The following PLEKHA2 variants were observed in gnomAD, a reference collection of about 807,000 sequenced individuals.
PLEKHA2 encodes pleckstrin homology domain containing A2, also known as pleckstrin homology domain-containing family A member 2.
PLEKHA2 carries 28 observed loss-of-function variants against 53.2 expected under a neutral mutation model. That is an observed-to-expected ratio of 0.53 (90% CI 0.39 to 0.72). The LOEUF (loss-of-function observed/expected upper bound fraction) is 0.72. PLEKHA2 is among the 30% of genes least tolerant of loss of function. PLEKHA2 has a pLI of 0.00. For missense variants in PLEKHA2, 426 were observed against 537.9 expected (o/e 0.79, Z 2.06); for synonymous variants, 193 against 196.4 (o/e 0.98, Z 0.14).
intron 10 of PLEKHA2, among the ~76,000 whole-genome samples, chr8:38,965,083 T>C (rs542516821): frequency 1.2e-3 from 176 of 152,246 alleles, no homozygotes; most frequent in African/African-American, 4.0e-3. Flanking sequence ...CCTTATTACT[T>C]GCAAAAAGGA....
chr8:38,952,580 C>G, intron 7 of PLEKHA2, 56 bp from the exon 8 acceptor site: 1 of 1,546,072 alleles, frequency 6.5e-7, no homozygotes, highest in South Asian at 1.1e-5. Flanking sequence ...TGAGTACACC[C>G]TCCACAATGC....
At chr8:38,958,673 C>T (rs1003466246) in intron 10 of PLEKHA2, among the ~76,000 whole-genome samples, 1 of 152,194 alleles carries the variant, frequency 6.6e-6, no homozygotes, top group Non-Finnish European at 1.5e-5. Context: ...CCATGGGCAT[C>T]GGAGCTACTA....
chr8:38,917,519 T>G (rs1834081812), intron 1 of PLEKHA2, among the ~76,000 whole-genome samples: 1 of 152,214 alleles, frequency 6.6e-6, no homozygotes, highest in Non-Finnish European at 1.5e-5. Context: ...AGCCCAAGCC[T>G]TATTATTAAC....
In PLEKHA2 at chr8:38,971,197, CT is replaced by C. The variant is rs1489828571; in HGVS notation, c.*1419del. 6.6e-6 allele frequency: 1 copy of C among 152,332 alleles called. No homozygotes were observed. Among genetic ancestry groups the C allele is most frequent in the African/African-American group, 2.4e-5 (1 of 41,436 alleles). The allele number at this position is 152,332 out of a possible 1,614,324, so 9.4% of individuals were successfully genotyped here. On this transcript the variant is annotated 3_prime_UTR_variant, in exon 12 of 12. Coordinates refer to ENST00000617275, the MANE Select transcript of PLEKHA2 (RefSeq NM_021623.2). Reference sequence around the variant, plus strand: ...CCTGAAGTCTATGTCACACTGAGAACTTTTTCTGACTGCACTGCTTTGGAGC... The same window carrying C: ...CCTGAAGTCTATGTCACACTGAGAACTTTTCTGACTGCACTGCTTTGGAGC...
chr8:38,906,646 T>C (rs1049186147), intron 1 of PLEKHA2, among the ~76,000 whole-genome samples: 2 of 152,236 alleles, frequency 1.3e-5, no homozygotes, highest in Non-Finnish European at 2.9e-5. Flanking sequence ...ATTTGGAATC[T>C]GCTATCATGA....
intron 2 of PLEKHA2, among the ~76,000 whole-genome samples, chr8:38,933,977 C>G (rs1157973956): frequency 6.6e-6 from 1 of 151,782 alleles, no homozygotes; most frequent in Non-Finnish European, 1.5e-5. Flanking sequence ...CTCTAAGATT[C>G]TTGGGTTCTG....
chr8:38,954,062 T>C (rs1268262142), intron 9 of PLEKHA2, among the ~76,000 whole-genome samples: 2 of 152,216 alleles, frequency 1.3e-5, no homozygotes, highest in Non-Finnish European at 2.9e-5. Flanking sequence ...AAACCCTTTT[T>C]CTGGCCACCA....
At chr8:38,940,267 T>C (rs1179308802) in intron 3 of PLEKHA2, among the ~76,000 whole-genome samples, 1 of 151,998 alleles carries the variant, frequency 6.6e-6, no homozygotes, top group African/African-American at 2.4e-5. Context: ...GGTGTGGTGG[T>C]GCGTGCCTGT....
intron 10 of PLEKHA2, among the ~76,000 whole-genome samples, chr8:38,958,279 T>G (rs1225359230): frequency 6.6e-6 from 1 of 151,434 alleles, no homozygotes; most frequent in East Asian, 1.9e-4. Flanking sequence ...GCTGAGATCA[T>G]ACCACTGCAC....
rs780492257 is a variant in PLEKHA2, at chr8:38,918,197, A to T, written c.141+127A>T. ...CAACCTGCTGATCAGCAGGGAGGGG[A>T]CAACCCTACAACACACACAGACACA... On this transcript the variant is annotated intron_variant, in intron 2 of 11. Coordinates refer to ENST00000617275, the MANE Select transcript of PLEKHA2 (RefSeq NM_021623.2). 2.5e-5 allele frequency: 31 copies of T among 1,220,612 alleles called. 1 individual carries two copies. In the Middle Eastern group the frequency reaches 4.1e-3, roughly 160 times the overall value. The allele number at this position is 1,220,612 out of a possible 1,614,324, so 75.6% of individuals were successfully genotyped here.
At chr8:38,951,946 C>T (rs1226496456) in intron 6 of PLEKHA2, among the ~76,000 whole-genome samples, 1 of 152,146 alleles carries the variant, frequency 6.6e-6, no homozygotes, top group African/African-American at 2.4e-5. Flanking sequence ...GACTGGGTCT[C>T]ACTGTGTTGT....
intron 10 of PLEKHA2, among the ~76,000 whole-genome samples, chr8:38,967,902 T>C (rs1351895427): frequency 2.0e-5 from 3 of 152,094 alleles, no homozygotes; most frequent in Non-Finnish European, 4.4e-5. Flanking sequence ...GCTCAGGCAA[T>C]CCACCCGCCT....
Position 38,922,703 on chromosome 8 carries a change from C to T in PLEKHA2, c.141+4633C>T, listed in dbSNP as rs867202331. Among the ~76,000 whole-genome samples the T allele has an allele frequency of 2.0e-5, 3 of 152,212 alleles. No homozygotes were observed. Among genetic ancestry groups the T allele is most frequent in the Admixed American group, 1.3e-4 (2 of 15,280 alleles). On this transcript the variant is annotated intron_variant, in intron 2 of 11. Coordinates refer to ENST00000617275, the MANE Select transcript of PLEKHA2 (RefSeq NM_021623.2). This position sits in a 1 kb window ranked among gnomAD's most constrained non-coding sequence, Gnocchi z 4.0. ...GTGTTCACTGAGCCTGAATCTGTTA[C>T]TGCTGCTGCTACTGCTGTTATTACT... is the stretch of plus-strand genomic sequence containing the variant.
At chr8:38,930,207 TTTATTTA>T (rs965180327) in intron 2 of PLEKHA2, among the ~76,000 whole-genome samples, 5 of 151,922 alleles carry the variant, frequency 3.3e-5, no homozygotes, top group African/African-American at 1.2e-4. Flanking sequence ...TATTTATTTA[TTTATTTA>T]TTTTTGAGAT....
intron 1 of PLEKHA2, among the ~76,000 whole-genome samples, chr8:38,915,460 C>G (rs1313866661): frequency 6.6e-6 from 1 of 152,218 alleles, no homozygotes; most frequent in Non-Finnish European, 1.5e-5. Context: ...GGGCCTGCGC[C>G]TCGGCTTCTG....
chr8:38,961,492 A>G (rs1169862647), intron 10 of PLEKHA2, among the ~76,000 whole-genome samples: 2 of 151,516 alleles, frequency 1.3e-5, no homozygotes, highest in Non-Finnish European at 2.9e-5. Flanking sequence ...AGCCGAGATC[A>G]CACCACTGCA....
At chr8:38,955,234 T>G (rs985405981) in intron 9 of PLEKHA2, among the ~76,000 whole-genome samples, 1 of 152,098 alleles carries the variant, frequency 6.6e-6, no homozygotes, top group Non-Finnish European at 1.5e-5. Context: ...CCCTGAGAAG[T>G]AGATGTGAAA....
intron 8 of PLEKHA2, 76 bp from the exon 9 acceptor site, chr8:38,953,221 G>A (rs1834879258): frequency 2.7e-6 from 3 of 1,129,314 alleles, no homozygotes; most frequent in Non-Finnish European, 4.0e-6. Flanking sequence ...CTGAGAAAGG[G>A]GTATTGGTCA....
chr8:38,932,775 C>T (rs970111824), intron 2 of PLEKHA2, among the ~76,000 whole-genome samples: 1 of 152,210 alleles, frequency 6.6e-6, no homozygotes, highest in Non-Finnish European at 1.5e-5. Flanking sequence ...TCCCATTTCC[C>T]CTGGATGGGG....
Sources: gnomAD v4.1 joint callset for allele counts (sites outside exome capture counted in the v4.1 genomes callset) on GRCh38, gnomAD v4.1.1 for gene constraint, Gnocchi (gnomAD v3.1) non-coding constraint, MANE v1.5 for transcripts, NCBI Gene and HGNC (gene_info 2026-07-23, HGNC 2026-07-21) for gene names.